HNRNPH3: variants seen among roughly 807,000 people sequenced by gnomAD.
HNRNPH3 encodes heterogeneous nuclear ribonucleoprotein H3.
A neutral mutation model predicts 47.0 loss-of-function variants in HNRNPH3; 7 were observed. That is an observed-to-expected ratio of 0.15 (90% CI 0.08 to 0.28). The LOEUF is 0.28. Among genes scored for constraint, HNRNPH3 ranks in the 10% least tolerant of loss-of-function variants. The pLI is 1.00. For missense variants in HNRNPH3, 279 were observed against 449.6 expected, an observed-to-expected ratio of 0.62 and a Z score of 3.43; for synonymous variants, 120 against 143.2, an observed-to-expected ratio of 0.84 and a Z score of 1.16.
At chr10:68,339,597 C>A in intron 6 of HNRNPH3, 42 bp downstream of exon 6, 2 of 1,215,782 alleles carry the variant, frequency 1.6e-6, no homozygotes, top group South Asian at 1.3e-5. Context: ...TATACTTATC[C>A]TGGTGTCTAA....
In HNRNPH3 at chr10:68,337,025, T is replaced by C; in HGVS notation, c.-23-174T>C. 2.1e-6 allele frequency: 1 copy of C among 481,188 alleles called. No homozygotes were observed. Among genetic ancestry groups the C allele is most frequent in the East Asian group, 3.3e-5 (1 of 30,470 alleles). The allele number at this position is 481,188 out of a possible 1,614,324, so 29.8% of individuals were successfully genotyped here. ...TAGGAGGGGGTCAGGTCTCATTGCC[T>C]TTTCCGTACCCCAAAATATGAAAGG... On this transcript the variant is annotated intron_variant, in intron 1 of 9. Coordinates refer to ENST00000265866, the MANE Select transcript of HNRNPH3 (RefSeq NM_012207.3). The surrounding 1 kb of genome is among the most constrained non-coding windows in gnomAD (Gnocchi z 4.5).
In HNRNPH3 at chr10:68,341,981, G is replaced by A. The variant is rs996561097; in HGVS notation, c.968G>A (p.Arg323His). 3.2e-5 allele frequency: 52 copies of A among 1,613,682 alleles called. No homozygotes were observed. Among genetic ancestry groups the A allele is most frequent in the Non-Finnish European group, 3.8e-5 (45 of 1,179,802 alleles). ...TTCTTAATATCTTTTTCTTAAGGCC[G>A]TGGTGGTGGAGGCAGTGGAGGTTAC... The part of the protein sequence containing the change: ...GTPDGLGGYG[R>H]GGGGSGGYYG... The change falls in exon 10 of 10, where the codon CGT becomes CAT. Residue 323 changes from arginine to histidine, a missense_variant. Transcript: ENST00000265866.
In HNRNPH3 at chr10:68,341,452, A is replaced by G. The variant is rs536540486; in HGVS notation, c.776-133A>G. On this transcript the variant is annotated intron_variant, in intron 7 of 9. Coordinates refer to ENST00000265866, the MANE Select transcript of HNRNPH3 (RefSeq NM_012207.3). ...TATAATGGCTTTCTGTGGGCTTTAT[A>G]TATCGCTGTACTAGTAATTAATAAG... 116 of 1,011,862 alleles carry G rather than the reference A, an allele frequency of 1.1e-4. No homozygotes were observed. In the African/African-American group the frequency reaches 1.7e-3, roughly 15 times the overall value. The allele number at this position is 1,011,862 out of a possible 1,614,324, so 62.7% of individuals were successfully genotyped here.
chr10:68,335,557 T>G, intron 1 of HNRNPH3, among the ~76,000 whole-genome samples: 1 of 152,198 alleles, frequency 6.6e-6, no homozygotes, highest in East Asian at 1.9e-4. Context: ...TAAAAGCCTT[T>G]GCTGGCTTTG....
At chr10:68,341,439 CTG>C (rs1212923961) in intron 7 of HNRNPH3, 130 bp downstream of exon 7, 2 of 1,065,532 alleles carry the variant, frequency 1.9e-6, no homozygotes, top group African/African-American at 3.2e-5. Flanking sequence ...TAATGGCTTT[CTG>C]TGGGCTTTAT....
chr10:68,341,759 A>G lies in HNRNPH3; in HGVS notation c.872A>G (p.Asp291Gly). The change falls in exon 9 of 10, where the codon GAT (aspartate) becomes GGT (glycine). Residue 291 changes from aspartate to glycine, a missense_variant and splice_region_variant. Asp to Gly is a moderately conservative substitution (Grantham distance 94, BLOSUM62 -1). Around this residue, in one of 2 missense-constraint regions of HNRNPH3, gnomAD observed 239 missense variants for 335.8 expected, o/e 0.71. Transcript: ENST00000265866. ...TTTTTTTTCTTTTTTCTTTTTAAAG[A>G]TAATCAGGGAGGCTATGGATCAGTT... Reference protein sequence around the residue: ...GMGGYGRDGMDNQGGYGSVGR... With the variant: ...GMGGYGRDGMGNQGGYGSVGR... 2 of 1,598,542 alleles carry G rather than the reference A, an allele frequency of 1.3e-6. No individual in the cohort carries two copies. The highest frequency in any genetic ancestry group is 1.7e-6 in the Non-Finnish European group (2 of 1,174,416).
At chr10:68,333,235 G>A (rs1396464603) in intron 1 of HNRNPH3, among the ~76,000 whole-genome samples, 3 of 149,364 alleles carry the variant, frequency 2.0e-5, no homozygotes, top group Admixed American at 2.0e-4. Flanking sequence ...GTTTCAAGTA[G>A]GTCGTCTGGG....
chr10:68,340,959 G>A (rs1463504348), intron 6 of HNRNPH3: 4 of 408,202 alleles, frequency 9.8e-6, no homozygotes, highest in South Asian at 7.5e-5. Flanking sequence ...GAGCCACTGC[G>A]CCCTGCCTAT....
Position 68,337,715 on chromosome 10 carries a change from T to G in HNRNPH3, c.113-143T>G. On this transcript the variant is annotated intron_variant, in intron 2 of 9. Transcript: ENST00000265866. This position sits in a 1 kb window ranked among gnomAD's most constrained non-coding sequence, Gnocchi z 4.5. ...AGTAATATTTGAAAAAATCTTTCATTTGTATTATGGGGTGATGGGAAACTA... is the reference window on the plus strand; with the variant it reads ...AGTAATATTTGAAAAAATCTTTCATGTGTATTATGGGGTGATGGGAAACTA... 1 of 720,558 alleles carries G rather than the reference T, an allele frequency of 1.4e-6. No homozygotes were observed. The highest frequency in any genetic ancestry group is 2.2e-6 in the Non-Finnish European group (1 of 447,060). 44.6% of individuals were successfully genotyped at this position (720,558 alleles called of 1,614,324 possible).
chr10:68,334,782 G>A (rs2045451008), intron 1 of HNRNPH3, among the ~76,000 whole-genome samples: 1 of 152,184 alleles, frequency 6.6e-6, no homozygotes, highest in Non-Finnish European at 1.5e-5. Flanking sequence ...AATTCTTAAA[G>A]CAGAGTAGTG....
chr10:68,339,233 TAA>T lies in HNRNPH3; in HGVS notation c.523+9_523+10del, dbSNP rs2045695107. 6.3e-7 allele frequency: 1 copy of T among 1,584,020 alleles called. No homozygotes were observed. Among genetic ancestry groups the T allele is most frequent in the South Asian group, 1.1e-5 (1 of 89,834 alleles). On this transcript the variant is annotated splice_region_variant and intron_variant, in intron 5 of 9. Transcript: ENST00000265866. The stretch of plus-strand genomic sequence containing the variant: ...AGAATGAGAGATGGAAGAGGTAAAA[TAA>T]ATATTAAAGACATTTTTATTCATAG...
intron 1 of HNRNPH3, among the ~76,000 whole-genome samples, chr10:68,333,826 A>G (rs1324125930): frequency 6.6e-6 from 1 of 152,220 alleles, no homozygotes. Context: ...GAAGATGTTC[A>G]GTGATGCTTT....
At chr10:68,340,490 C>T (rs909129495) in intron 6 of HNRNPH3, among the ~76,000 whole-genome samples, 4 of 152,164 alleles carry the variant, frequency 2.6e-5, no homozygotes, top group African/African-American at 9.7e-5. Flanking sequence ...AGGAGGTCAG[C>T]AAACTTCAGT....
At chr10:68,339,682 C>T (rs1290275982) in intron 6 of HNRNPH3, 127 bp downstream of exon 6, 7 of 617,880 alleles carry the variant, frequency 1.1e-5, no homozygotes, top group Admixed American at 6.0e-5. Flanking sequence ...ATAGATCTAC[C>T]TTTAATTCTT....
chr10:68,333,561 G>GTA (rs1435266416), intron 1 of HNRNPH3, among the ~76,000 whole-genome samples: 3 of 152,054 alleles, frequency 2.0e-5, no homozygotes, highest in Non-Finnish European at 2.9e-5. Flanking sequence ...TAGTGTAGGA[G>GTA]TATAGTACAC....
chr10:68,334,613 T>C (rs1249730459), intron 1 of HNRNPH3, among the ~76,000 whole-genome samples: 1 of 152,184 alleles, frequency 6.6e-6, no homozygotes, highest in Non-Finnish European at 1.5e-5. Context: ...CCTCAGACAA[T>C]CATGAATAGA....
chr10:68,332,520 C>T (rs2045212729), intron 1 of HNRNPH3, among the ~76,000 whole-genome samples: 1 of 152,220 alleles, frequency 6.6e-6, no homozygotes, highest in Non-Finnish European at 1.5e-5. Context: ...TACAGTGGCG[C>T]GGCCACCTCG....
At position 68,341,965 on chromosome 10, in the gene HNRNPH3, T is replaced by A. The variant is rs973638890; in HGVS notation, c.965-13T>A. On this transcript the variant is annotated splice_polypyrimidine_tract_variant and intron_variant, in intron 9 of 9. Transcript: ENST00000265866. ...ATCTCCTGCTGAGTGATTCTTAATA[T>A]CTTTTTCTTAAGGCCGTGGTGGTGG... The A allele has an allele frequency of 6.2e-7, 1 of 1,613,230 alleles. No homozygotes were observed. Among genetic ancestry groups the A allele is most frequent in the Non-Finnish European group, 8.5e-7 (1 of 1,179,410 alleles).
Position 68,343,184 on chromosome 10 carries a change from G to GGAGAT in HNRNPH3, c.*1131_*1135dup, listed in dbSNP as rs2046071931. ...AATGTTATTAATAAATGTCATTGTG[G>GGAGAT]GAGATAATAGTATGGCGTCTGTCCT... On this transcript the variant is annotated 3_prime_UTR_variant, in exon 10 of 10. Transcript: ENST00000265866. The GGAGAT allele has an allele frequency of 6.6e-6, 1 of 152,156 alleles. No homozygotes were observed. Among genetic ancestry groups the GGAGAT allele is most frequent in the Non-Finnish European group, 1.5e-5 (1 of 68,028 alleles). 9.4% of individuals were successfully genotyped at this position (152,156 alleles called of 1,614,324 possible).
Sources: gnomAD v4.1 joint callset for allele counts (sites outside exome capture counted in the v4.1 genomes callset) on GRCh38, gnomAD v4.1.1 for gene constraint, gnomAD v4.1.1 regional missense constraint, Gnocchi (gnomAD v3.1) non-coding constraint, MANE v1.5 for transcripts, NCBI Gene and HGNC (gene_info 2026-07-23, HGNC 2026-07-21) for gene names.